The following RIMS1 variants were observed in gnomAD, a reference collection of about 807,000 sequenced individuals.
RIMS1 encodes regulating synaptic membrane exocytosis protein 1.
RIMS1 carries 83 observed loss-of-function variants against 214.1 expected under a neutral mutation model. The observed-to-expected ratio is 0.39, with a 90% CI of 0.32 to 0.47. The LOEUF (loss-of-function observed/expected upper bound fraction) is 0.47. RIMS1 is among the 20% of genes least tolerant of loss of function. The pLI, the probability that RIMS1 is intolerant of heterozygous loss-of-function variation, is 0.99. For missense variants in RIMS1, 2,050 were observed against 2,161.8 expected (o/e 0.95, Z 1.03); for synonymous variants, 793 against 786.8 (o/e 1.01, Z -0.13).
intron 2 of RIMS1, among the ~76,000 whole-genome samples, chr6:72,019,719 T>C (rs1813982540): frequency 6.6e-6 from 1 of 152,182 alleles, no homozygotes; most frequent in South Asian, 2.1e-4. Flanking sequence ...TTCTTCTTGG[T>C]TTCTGTGCTG....
At chr6:72,056,376 A>G (rs113024820) in intron 2 of RIMS1, among the ~76,000 whole-genome samples, 1,750 of 152,280 alleles carry the variant, frequency 0.011, 9 homozygotes, top group Non-Finnish European at 0.017. Context: ...TGCAGTTTAC[A>G]TGTCTAACAA....
intron 27 of RIMS1, among the ~76,000 whole-genome samples, chr6:72,308,492 G>A (rs1461200390): frequency 3.9e-5 from 6 of 152,046 alleles, no homozygotes; most frequent in Non-Finnish European, 8.8e-5. Flanking sequence ...AATATTATTA[G>A]CTTGAAATAT....
intron 1 of RIMS1, among the ~76,000 whole-genome samples, chr6:71,929,026 G>C (rs539797929): frequency 2.0e-5 from 3 of 152,204 alleles, no homozygotes; most frequent in South Asian, 2.1e-4. Context: ...AGACTGAAAG[G>C]CTTCATTTTC....
At chr6:72,392,858 G>A in intron 31 of RIMS1, 48 bp downstream of exon 31, 3 of 1,305,064 alleles carry the variant, frequency 2.3e-6, no homozygotes, top group Admixed American at 1.9e-5. Context: ...TTTTGTGTTT[G>A]ACAAAGTCAT....
intron 23 of RIMS1, 56 bp from the exon 24 acceptor site, chr6:72,283,991 G>C: frequency 1.5e-6 from 2 of 1,339,474 alleles, no homozygotes; most frequent in Non-Finnish European, 2.1e-6. Context: ...ATCATTGTAT[G>C]ATGTTAATGT....
intron 2 of RIMS1, among the ~76,000 whole-genome samples, chr6:71,975,339 T>G (rs1452370359): frequency 6.6e-6 from 1 of 152,176 alleles, no homozygotes; most frequent in African/African-American, 2.4e-5. Context: ...GAACTTCTGT[T>G]AGACCTGGGC....
intron 28 of RIMS1, among the ~76,000 whole-genome samples, chr6:72,324,211 T>A (rs183661507): frequency 1.2e-4 from 18 of 152,082 alleles, no homozygotes; most frequent in African/African-American, 4.3e-4. Context: ...AAAGAGTTCA[T>A]AATGATAAAA....
At chr6:71,945,408 T>C (rs756767451) in intron 1 of RIMS1, among the ~76,000 whole-genome samples, 3 of 152,152 alleles carry the variant, frequency 2.0e-5, no homozygotes, top group Non-Finnish European at 4.4e-5. Flanking sequence ...ACCTTCTAGT[T>C]TGCCTGTGTG....
chr6:72,092,142 T>A (rs945255512), intron 2 of RIMS1, among the ~76,000 whole-genome samples: 3 of 152,282 alleles, frequency 2.0e-5, no homozygotes, highest in Admixed American at 2.0e-4. Context: ...AAGGGGAATA[T>A]GAATTGAGAA....
At chr6:72,160,529 A>G (rs2045224146) in intron 4 of RIMS1, among the ~76,000 whole-genome samples, 1 of 139,494 alleles carries the variant, frequency 7.2e-6, no homozygotes, top group Non-Finnish European at 1.6e-5. Flanking sequence ...TTTGTCATAA[A>G]TAGCTCTTAT....
intron 28 of RIMS1, among the ~76,000 whole-genome samples, chr6:72,315,472 T>G (rs2095726833): frequency 6.6e-6 from 1 of 152,204 alleles, no homozygotes; most frequent in Non-Finnish European, 1.5e-5. Flanking sequence ...GTTAAACAAG[T>G]TTCCCCTTAA....
intron 4 of RIMS1, among the ~76,000 whole-genome samples, chr6:72,161,781 A>G (rs1221064756): frequency 7.1e-6 from 1 of 140,480 alleles, no homozygotes; most frequent in Admixed American, 7.3e-5. Context: ...GTCCTTTCAC[A>G]TTTGCTGAGG....
intron 4 of RIMS1, among the ~76,000 whole-genome samples, chr6:72,162,581 T>C (rs1054338274): frequency 3.6e-5 from 5 of 140,796 alleles, no homozygotes; most frequent in African/African-American, 1.2e-4. Context: ...AAGGCAGGCC[T>C]GGTGGTGACA....
Position 71,944,718 on chromosome 6 carries a change from G to A in RIMS1, c.165-24265G>A, listed in dbSNP as rs1451150533. Among the ~76,000 whole-genome samples, 3 of 152,126 alleles carry A rather than the reference G, an allele frequency of 2.0e-5. No homozygotes were observed. In the East Asian group the frequency reaches 5.8e-4, roughly 29 times the overall value. ...AATCCATTTGTAACATTGGTGTGTG[G>A]ACTTTATCTCGTGATCTACATAGAA... is the stretch of plus-strand genomic sequence containing the variant. On this transcript the variant is annotated intron_variant, in intron 1 of 33. Coordinates refer to ENST00000521978, the MANE Select transcript of RIMS1 (RefSeq NM_014989.7).
At chr6:72,212,895 A>C in intron 6 of RIMS1, 1 of 1,251,356 alleles carries the variant, frequency 8.0e-7, no homozygotes, top group Non-Finnish European at 1.0e-6. Flanking sequence ...GGGTAACTGC[A>C]CAGTGCCTGC....
chr6:72,207,789 C>T (rs2053181191), intron 6 of RIMS1, among the ~76,000 whole-genome samples: 1 of 152,162 alleles, frequency 6.6e-6, no homozygotes, highest in East Asian at 1.9e-4. Flanking sequence ...AAATTCTCCC[C>T]AAACCCCCCA....
At chr6:72,231,927 C>T (rs569058697) in intron 6 of RIMS1, among the ~76,000 whole-genome samples, 12 of 151,422 alleles carry the variant, frequency 7.9e-5, no homozygotes, top group East Asian at 1.9e-4. Flanking sequence ...GGGGTTGAAC[C>T]GCCATATGAG....
chr6:72,311,032 T>C (rs917663262), intron 27 of RIMS1, among the ~76,000 whole-genome samples: 1 of 152,148 alleles, frequency 6.6e-6, no homozygotes, highest in African/African-American at 2.4e-5. Flanking sequence ...CAACTAAAAA[T>C]ATTTTTGTTG....
chr6:71,936,243 C>A (rs961228166), intron 1 of RIMS1, among the ~76,000 whole-genome samples: 1 of 135,686 alleles, frequency 7.4e-6, no homozygotes, highest in Non-Finnish European at 1.5e-5. Context: ...AGGAGAATGG[C>A]GTGAACCCGG....
Sources: allele counts gnomAD v4.1 joint callset (sites outside exome capture counted in the v4.1 genomes callset), GRCh38; gene constraint gnomAD v4.1.1; transcripts MANE v1.5; gene names NCBI Gene and HGNC (gene_info 2026-07-23, HGNC 2026-07-21).